MAOB: variants seen among roughly 807,000 people sequenced by gnomAD.
The protein encoded by MAOB is amine oxidase [flavin-containing] B.
Under a neutral mutation model 41.9 loss-of-function variants are expected in MAOB, and 15 were observed. The ratio of observed to expected loss-of-function variants is 0.36; its 90% CI spans 0.24 to 0.55. The LOEUF (loss-of-function observed/expected upper bound fraction) is 0.55, where lower values mean the gene tolerates loss of function less well. Ranked by LOEUF, MAOB falls within the 20% of genes least tolerant of loss-of-function variation. The pLI is 0.86. For missense variants in MAOB, 345 were observed against 398.7 expected (o/e 0.87, Z 1.15); for synonymous variants, 167 against 144.2 (o/e 1.16, Z -1.13).
chrX:43,826,531 T>C (rs1007300358), intron 3 of MAOB, among the ~76,000 whole-genome samples: 3 of 112,594 alleles, frequency 2.7e-5, no homozygotes, highest in Non-Finnish European at 3.7e-5. Flanking sequence ...CCATTTTGTA[T>C]TGCTGTATTA....
At chrX:43,880,516 G>A (rs191044881) in intron 1 of MAOB, among the ~76,000 whole-genome samples, 4 of 112,801 alleles carry the variant, frequency 3.5e-5, no homozygotes, top group African/African-American at 9.7e-5. Flanking sequence ...TGTAGCAGAT[G>A]AAGCAATTGA....
chrX:43,865,361 G>A (rs2035358387), intron 1 of MAOB, among the ~76,000 whole-genome samples: 1 of 112,047 alleles, frequency 8.9e-6, no homozygotes, highest in South Asian at 3.7e-4. Context: ...AACATCTAGA[G>A]ACAGAAAGTA....
chrX:43,828,720 C>G (rs772885320), intron 3 of MAOB, among the ~76,000 whole-genome samples: 1 of 111,547 alleles, frequency 9.0e-6, no homozygotes, highest in African/African-American at 3.3e-5. Flanking sequence ...CTGCCAAATA[C>G]CTGGATGGTG....
chrX:43,792,533 T>C (rs954884753), intron 8 of MAOB, among the ~76,000 whole-genome samples: 3 of 111,753 alleles, frequency 2.7e-5, no homozygotes, highest in African/African-American at 9.8e-5. Flanking sequence ...GCAAAATGCA[T>C]GAACAGACAC....
chrX:43,776,364 CAAATG>C (rs1286112618), intron 11 of MAOB, among the ~76,000 whole-genome samples: 3 of 112,423 alleles, frequency 2.7e-5, no homozygotes, highest in Non-Finnish European at 5.6e-5. Flanking sequence ...GAGACTTTCT[CAAATG>C]AAAAATGATC....
At chrX:43,773,673 T>C (rs1329789869) in intron 12 of MAOB, among the ~76,000 whole-genome samples, 2 of 112,028 alleles carry the variant, frequency 1.8e-5, no homozygotes, top group Admixed American at 9.4e-5. Flanking sequence ...GCGGGGGTCT[T>C]TCCTGTGCTG....
chrX:43,879,989 T>TG, intron 1 of MAOB, among the ~76,000 whole-genome samples: 1 of 112,443 alleles, frequency 8.9e-6, no homozygotes. Flanking sequence ...TCACCAACTC[T>TG]GTGAGTTCTT....
chrX:43,785,837 A>G (rs1243717735), intron 8 of MAOB, among the ~76,000 whole-genome samples: 1 of 112,010 alleles, frequency 8.9e-6, no homozygotes, highest in Non-Finnish European at 1.9e-5. Context: ...TAAGTTTGCC[A>G]TCTTATATGG....
chrX:43,767,816 G>A (rs138615267), intron 14 of MAOB, among the ~76,000 whole-genome samples, 198 bp from the exon 15 acceptor site: 12 of 111,481 alleles, frequency 1.1e-4, no homozygotes, highest in African/African-American at 3.9e-4. Context: ...TTTCTTTCCT[G>A]AGACCCCAGC....
At chrX:43,804,909 C>T (rs962184497) in intron 3 of MAOB, among the ~76,000 whole-genome samples, 3 of 111,846 alleles carry the variant, frequency 2.7e-5, no homozygotes, top group African/African-American at 6.5e-5. Flanking sequence ...CACAAGTTGA[C>T]GTATAAAATT....
At chrX:43,822,997 C>T (rs1000568244) in intron 3 of MAOB, among the ~76,000 whole-genome samples, 2 of 109,391 alleles carry the variant, frequency 1.8e-5, no homozygotes, top group Non-Finnish European at 3.8e-5. Context: ...CCTCAACAAC[C>T]CTATAAGCAA....
At chrX:43,838,457 T>C (rs1272937288) in intron 3 of MAOB, among the ~76,000 whole-genome samples, 2 of 112,253 alleles carry the variant, frequency 1.8e-5, no homozygotes, top group African/African-American at 3.2e-5. Flanking sequence ...GCCACAATGA[T>C]AAAATGTAAG....
chrX:43,873,732 A>T (rs2035422147), intron 1 of MAOB, among the ~76,000 whole-genome samples: 1 of 110,564 alleles, frequency 9.0e-6, no homozygotes. Context: ...GCTGGAGTGC[A>T]GTAGTGCCAT....
At chrX:43,808,705 C>T (rs974031259) in intron 3 of MAOB, among the ~76,000 whole-genome samples, 2 of 106,335 alleles carry the variant, frequency 1.9e-5, no homozygotes, top group East Asian at 5.8e-4. Context: ...CATAGACACA[C>T]ACACACACAC....
At chrX:43,852,631 C>T (rs183998698) in intron 1 of MAOB, among the ~76,000 whole-genome samples, 1 of 111,836 alleles carries the variant, frequency 8.9e-6, no homozygotes, top group East Asian at 2.8e-4. Flanking sequence ...GTTTCTATTC[C>T]GCTGGACTTG....
intron 11 of MAOB, 63 bp from the exon 12 acceptor site, chrX:43,775,335 A>G (rs1325874214): frequency 9.5e-6 from 11 of 1,161,411 alleles, no homozygotes; most frequent in South Asian, 2.0e-5. Context: ...CCTAGAATAA[A>G]TCGAACAGTT....
chrX:43,849,963 AAGAC>A (rs1402723979), intron 1 of MAOB, among the ~76,000 whole-genome samples: 1 of 112,626 alleles, frequency 8.9e-6, no homozygotes, highest in African/African-American at 3.2e-5. Context: ...AAGGGAAAGA[AAGAC>A]AGTCAGCCAA....
At chrX:43,851,412 C>T (rs150996635) in intron 1 of MAOB, among the ~76,000 whole-genome samples, 2 of 111,249 alleles carry the variant, frequency 1.8e-5, no homozygotes, top group African/African-American at 6.5e-5. Flanking sequence ...CACAGGCATA[C>T]AATGTGTAAT....
intron 3 of MAOB, among the ~76,000 whole-genome samples, chrX:43,825,261 C>T (rs1000276438): frequency 6.8e-4 from 76 of 111,465 alleles, no homozygotes; most frequent in African/African-American, 2.1e-3. Context: ...CTTTTGTCTA[C>T]TTCACTCCAG....
Sources: allele counts gnomAD v4.1 joint callset (sites outside exome capture counted in the v4.1 genomes callset), GRCh38; gene constraint gnomAD v4.1.1; transcripts MANE v1.5; gene names NCBI Gene and HGNC (gene_info 2026-07-23, HGNC 2026-07-21).